Variants in GLRB observed in about 807,000 individuals in gnomAD.
GLRB encodes glycine receptor subunit beta.
GLRB carries 33 observed loss-of-function variants against 54.2 expected under a neutral mutation model. The ratio of observed to expected loss-of-function variants is 0.61; its 90% CI spans 0.46 to 0.81. GLRB has a LOEUF of 0.81. GLRB is among the 40% of genes least tolerant of loss of function. The pLI is 0.00. For synonymous variants in GLRB, 209 were observed against 208.2 expected (o/e 1.00, Z -0.03); for missense variants, 572 against 584.6 (o/e 0.98, Z 0.22).
At chr4:157,138,048 G>C (rs2126569782) in intron 6 of GLRB, among the ~76,000 whole-genome samples, 1 of 151,966 alleles carries the variant, frequency 6.6e-6, no homozygotes, top group African/African-American at 2.4e-5. Context: ...ACTCCTTTAG[G>C]GAATTTTGCA....
chr4:157,125,320 C>A (rs966447445), intron 4 of GLRB, among the ~76,000 whole-genome samples: 1 of 151,708 alleles, frequency 6.6e-6, no homozygotes, highest in Non-Finnish European at 1.5e-5. Context: ...ACATTCATGG[C>A]AATATAATGG....
intron 4 of GLRB, among the ~76,000 whole-genome samples, chr4:157,132,349 A>C (rs1736247552): frequency 6.6e-6 from 1 of 151,590 alleles, no homozygotes; most frequent in South Asian, 2.1e-4. Flanking sequence ...TGACCCCTGA[A>C]TTATTTGGGC....
intron 2 of GLRB, among the ~76,000 whole-genome samples, chr4:157,119,180 A>G (rs2126526562): frequency 6.6e-6 from 1 of 151,774 alleles, no homozygotes; most frequent in East Asian, 2.0e-4. Context: ...TAGAAAAGCA[A>G]TAGGTAGTTA....
intron 9 of GLRB, among the ~76,000 whole-genome samples, chr4:157,162,001 C>A (rs1424700571): frequency 6.6e-6 from 1 of 152,278 alleles, no homozygotes; most frequent in Non-Finnish European, 1.5e-5. Flanking sequence ...TTCACATAGT[C>A]CCATATTTCT....
intron 2 of GLRB, among the ~76,000 whole-genome samples, chr4:157,110,860 A>T (rs1356065251): frequency 6.6e-6 from 1 of 151,948 alleles, no homozygotes; most frequent in African/African-American, 2.4e-5. Flanking sequence ...AGTGGCTCCC[A>T]GGTGTCCAGA....
chr4:157,105,961 A>G (rs946304089), intron 2 of GLRB, among the ~76,000 whole-genome samples: 1 of 152,206 alleles, frequency 6.6e-6, no homozygotes, highest in East Asian at 1.9e-4. Flanking sequence ...AACCATCACC[A>G]TTATAGTAAT....
intron 9 of GLRB, among the ~76,000 whole-genome samples, chr4:157,164,411 C>T (rs2126628497): frequency 6.6e-6 from 1 of 152,256 alleles, no homozygotes; most frequent in Middle Eastern, 3.4e-3. Context: ...CCTCGATTTA[C>T]ATCTCCCTAT....
chr4:157,163,446 G>A (rs1737590266), intron 9 of GLRB, among the ~76,000 whole-genome samples: 1 of 152,130 alleles, frequency 6.6e-6, no homozygotes, highest in African/African-American at 2.4e-5. Flanking sequence ...TGGCCATCTT[G>A]GAACCTATGA....
chr4:157,079,462 T>C (rs1340445633), intron 2 of GLRB, among the ~76,000 whole-genome samples: 6 of 152,206 alleles, frequency 3.9e-5, no homozygotes, highest in Non-Finnish European at 8.8e-5. Context: ...GAGAGTATCA[T>C]GATCCACGTA....
intron 2 of GLRB, among the ~76,000 whole-genome samples, chr4:157,101,028 A>G (rs1735004016): frequency 6.6e-6 from 1 of 152,186 alleles, no homozygotes; most frequent in African/African-American, 2.4e-5. Context: ...GAATGAAGGT[A>G]TCTACATGTG....
intron 1 of GLRB, 132 bp from the exon 2 acceptor site, chr4:157,077,864 G>T (rs1734092542): frequency 5.0e-6 from 3 of 601,466 alleles, no homozygotes; most frequent in African/African-American, 1.9e-5. Flanking sequence ...TACCACATAG[G>T]ACTGAGCAAT....
intron 8 of GLRB, among the ~76,000 whole-genome samples, chr4:157,151,968 A>G (rs1247446057): frequency 1.3e-5 from 2 of 152,148 alleles, no homozygotes; most frequent in Non-Finnish European, 2.9e-5. Flanking sequence ...AATATATTTC[A>G]TCATCTTCTC....
In GLRB at chr4:157,078,407, G is replaced by A. The variant is rs544092543; in HGVS notation, c.122+261G>A. 3.9e-5 allele frequency: 7 copies of A among 180,374 alleles called. No individual in the cohort carries two copies. In the East Asian group the frequency reaches 9.5e-4, roughly 24 times the overall value. 11.2% of individuals were successfully genotyped at this position (180,374 alleles called of 1,614,324 possible). On this transcript the variant is annotated intron_variant, in intron 2 of 9. Transcript: ENST00000264428. ...TAATTTTTATACACTGTTTACAAAA[G>A]TAGAAAAAGTCACTATTTTTTTCTT...
intron 7 of GLRB, among the ~76,000 whole-genome samples, chr4:157,143,422 T>C (rs1736688976): frequency 6.6e-6 from 1 of 151,922 alleles, no homozygotes; most frequent in African/African-American, 2.4e-5. Context: ...TTTTAAGATT[T>C]GTTCTACTTT....
chr4:157,152,619 A>C (rs1737063741), intron 8 of GLRB, 99 bp from the exon 9 acceptor site: 1 of 919,920 alleles, frequency 1.1e-6, no homozygotes, highest in South Asian at 1.3e-5. Flanking sequence ...TTCATGGGTC[A>C]TTGGAAGTTA....
chr4:157,126,773 G>A (rs753388397), intron 4 of GLRB, among the ~76,000 whole-genome samples: 6 of 151,742 alleles, frequency 4.0e-5, no homozygotes, highest in Non-Finnish European at 5.9e-5. Flanking sequence ...GTGACCTATC[G>A]AACTTATGTA....
chr4:157,158,166 C>T (rs1320094291), intron 9 of GLRB, among the ~76,000 whole-genome samples: 1 of 151,864 alleles, frequency 6.6e-6, no homozygotes, highest in Non-Finnish European at 1.5e-5. Context: ...TATCCTTTGC[C>T]CACTTTTTGA....
At chr4:157,122,279 C>T in intron 3 of GLRB, 51 bp from the exon 4 acceptor site, 1 of 745,862 alleles carries the variant, frequency 1.3e-6, no homozygotes, top group Non-Finnish European at 2.3e-6. Context: ...TATGATGATT[C>T]TGACCAAGTT....
intron 2 of GLRB, among the ~76,000 whole-genome samples, chr4:157,114,195 C>A (rs566337828): frequency 6.6e-6 from 1 of 151,804 alleles, no homozygotes; most frequent in South Asian, 2.1e-4. Flanking sequence ...TTTTCATAAG[C>A]CCCAGCCTTA....
Sources: allele counts gnomAD v4.1 joint callset (sites outside exome capture counted in the v4.1 genomes callset), GRCh38; gene constraint gnomAD v4.1.1; transcripts MANE v1.5; gene names NCBI Gene and HGNC (gene_info 2026-07-23, HGNC 2026-07-21).